The following ANKRD30A variants were observed in gnomAD, a reference collection of about 807,000 sequenced individuals.
The protein encoded by ANKRD30A is ankyrin repeat domain 30A.
ANKRD30A carries 170 observed loss-of-function variants against 166.3 expected under a neutral mutation model. That is an observed-to-expected ratio of 1.02 (90% CI 0.90 to 1.16). The LOEUF is 1.16. ANKRD30A is among the 50% of genes most tolerant of loss of function. The pLI is 0.00. For synonymous variants in ANKRD30A, 564 were observed against 508.9 expected (o/e 1.11, Z -1.46); for missense variants, 1,630 against 1,518.0 (o/e 1.07, Z -1.23).
chr10:37,159,327 G>T (rs949300979), intron 15 of ANKRD30A, among the ~76,000 whole-genome samples: 1 of 152,110 alleles, frequency 6.6e-6, no homozygotes, highest in East Asian at 1.9e-4. Context: ...GACCAGCCTG[G>T]TCAAATTAGT....
rs1445157403 is a variant in ANKRD30A at position 37,178,692 on chromosome 10, C to T, written c.2421+2474C>T. 1.8e-5 allele frequency: 14 copies of T among 773,810 alleles called. No individual in the cohort carries two copies. In the African/African-American group the frequency reaches 2.2e-4, roughly 12 times the overall value. The allele number at this position is 773,810 out of a possible 1,614,324, so 47.9% of individuals were successfully genotyped here. A position where few individuals can be genotyped will look rare whatever the true frequency, so the allele number is the denominator to read the frequency against. On this transcript the variant is annotated intron_variant, in intron 24 of 35. Coordinates refer to ENST00000361713, the MANE Select transcript of ANKRD30A (RefSeq NM_052997.3). The stretch of plus-strand genomic sequence containing the variant: ...ATAGATGGAAGGTACTACCACTCCT[C>T]AAAGTAAAAGGAAAGAGTGGGAAAA...
intron 25 of ANKRD30A, among the ~76,000 whole-genome samples, chr10:37,191,307 T>C (rs1368729572): frequency 6.6e-6 from 1 of 152,034 alleles, no homozygotes; most frequent in East Asian, 1.9e-4. Context: ...TATTATGCTC[T>C]AAATATATAT....
At chr10:37,191,439 T>G (rs1388404092) in intron 25 of ANKRD30A, among the ~76,000 whole-genome samples, 8 of 152,002 alleles carry the variant, frequency 5.3e-5, no homozygotes, top group African/African-American at 1.7e-4. Flanking sequence ...GATGAATGTT[T>G]GTAATGCAAT....
At chr10:37,129,733 A>G (rs1836261727) in intron 1 of ANKRD30A, among the ~76,000 whole-genome samples, 160 bp from the exon 2 acceptor site, 1 of 149,864 alleles carries the variant, frequency 6.7e-6, no homozygotes, top group African/African-American at 2.4e-5. Context: ...GTAGTGAGTA[A>G]TGAGAGCAAA....
chr10:37,212,124 C>T (rs984487475), intron 31 of ANKRD30A, among the ~76,000 whole-genome samples: 12 of 151,970 alleles, frequency 7.9e-5, no homozygotes, highest in African/African-American at 2.4e-4. Flanking sequence ...AAAACCCCAT[C>T]GTCTCAGCCC....
At chr10:37,154,341 C>T (rs532251587) in intron 13 of ANKRD30A, among the ~76,000 whole-genome samples, 8 of 152,244 alleles carry the variant, frequency 5.3e-5, no homozygotes, top group South Asian at 2.1e-4. Context: ...GAGATTCAGC[C>T]GACTTGGGAT....
At chr10:37,163,039 A>T (rs550715107) in intron 17 of ANKRD30A, among the ~76,000 whole-genome samples, 191 bp downstream of exon 17, 26 of 152,268 alleles carry the variant, frequency 1.7e-4, no homozygotes, top group African/African-American at 6.0e-4. Flanking sequence ...TTTTTTAAAA[A>T]AATGTAGCCT....
At chr10:37,202,785 A>T (rs1184507411) in intron 31 of ANKRD30A, among the ~76,000 whole-genome samples, 1 of 152,192 alleles carries the variant, frequency 6.6e-6, no homozygotes, top group Non-Finnish European at 1.5e-5. Context: ...AATAGACACA[A>T]TAAAAAATGA....
intron 1 of ANKRD30A, 127 bp from the exon 2 acceptor site, chr10:37,129,766 A>T: frequency 2.9e-6 from 1 of 346,044 alleles, no homozygotes; most frequent in Non-Finnish European, 4.5e-6. Flanking sequence ...TTTCTTCAGG[A>T]GAATATTAAG....
intron 5 of ANKRD30A, among the ~76,000 whole-genome samples, chr10:37,135,868 G>T (rs1914149): frequency 0.51 from 77,746 of 152,030 alleles, 20,335 homozygotes; most frequent in Non-Finnish European, 0.56. Flanking sequence ...ATGCCACAAA[G>T]AATAGAACAT....
At chr10:37,154,820 T>G (rs1253600096) in intron 13 of ANKRD30A, among the ~76,000 whole-genome samples, 1 of 152,176 alleles carries the variant, frequency 6.6e-6, no homozygotes, top group Non-Finnish European at 1.5e-5. Context: ...AGAGTGTGGG[T>G]GCTCTGGAGA....
At chr10:37,151,406 G>C (rs1244132197) in intron 11 of ANKRD30A, among the ~76,000 whole-genome samples, 1 of 152,064 alleles carries the variant, frequency 6.6e-6, no homozygotes, top group Non-Finnish European at 1.5e-5. Flanking sequence ...GTCACAAACT[G>C]ACTCTGAAGA....
chr10:37,214,401 T>C lies in ANKRD30A; in HGVS notation c.2870-1780T>C, dbSNP rs567126041. Among the ~76,000 whole-genome samples the C allele has an allele frequency of 2.6e-5, 4 of 151,422 alleles. No individual in the cohort carries two copies. In the South Asian group the frequency reaches 8.3e-4, roughly 31 times the overall value. On this transcript the variant is annotated intron_variant, in intron 31 of 35. Coordinates refer to ENST00000361713, the MANE Select transcript of ANKRD30A (RefSeq NM_052997.3). Reference sequence around the variant, plus strand: ...GTTTTTAGACCACTTTAATTTATAATGTAATTATTGATATGATAAAAGTTT... The same window carrying C: ...GTTTTTAGACCACTTTAATTTATAACGTAATTATTGATATGATAAAAGTTT...
At chr10:37,234,883 C>T (rs1377097379), downstream of ANKRD30A, among the ~76,000 whole-genome samples, 3 of 151,926 alleles carry the variant, frequency 2.0e-5, no homozygotes, top group African/African-American at 7.3e-5. Context: ...GAAAGTTGTG[C>T]CACATGGTGG....
intron 31 of ANKRD30A, among the ~76,000 whole-genome samples, chr10:37,201,959 G>T (rs1364130784): frequency 6.6e-6 from 1 of 151,896 alleles, no homozygotes; most frequent in African/African-American, 2.4e-5. Context: ...GAAAATCAGC[G>T]GGAAACCTAG....
the ANKRD30A span, among the ~76,000 whole-genome samples, chr10:37,254,122 C>G: frequency 6.6e-6 from 1 of 152,116 alleles, no homozygotes; most frequent in Non-Finnish European, 1.5e-5. Flanking sequence ...ATGAAAAATG[C>G]TATGTATTAT....
At chr10:37,237,297 T>A (rs1289483269), downstream of ANKRD30A, among the ~76,000 whole-genome samples, 1 of 152,222 alleles carries the variant, frequency 6.6e-6, no homozygotes. Context: ...AAATGAGGGT[T>A]TGACTTAATC....
At chr10:37,227,130 G>A (rs1377855232) in intron 34 of ANKRD30A, among the ~76,000 whole-genome samples, 1 of 151,746 alleles carries the variant, frequency 6.6e-6, no homozygotes, top group African/African-American at 2.4e-5. Context: ...TTACTTTACT[G>A]TTAGTATATT....
At position 37,207,052 on chromosome 10, in the gene ANKRD30A, T is replaced by G. The variant is rs542659061; in HGVS notation, c.2869+5727T>G. On this transcript the variant is annotated intron_variant, in intron 31 of 35. Transcript: ENST00000361713. ...TATGAGTTTTATATGCCCTCTTACA[T>G]GAGGGGATCAAAAAACATTCAGATG... Among the ~76,000 whole-genome samples, 12 of 152,172 alleles carry G rather than the reference T, an allele frequency of 7.9e-5. No individual in the cohort carries two copies. The East Asian group carries it at 1.5e-3, about 20-fold the overall frequency.
Sources: allele counts gnomAD v4.1 joint callset (sites outside exome capture counted in the v4.1 genomes callset), GRCh38; gene constraint gnomAD v4.1.1; transcripts MANE v1.5; gene names NCBI Gene and HGNC (gene_info 2026-07-23, HGNC 2026-07-21).